The following USP13 variants were observed in gnomAD, a reference collection of about 807,000 sequenced individuals.
The protein encoded by USP13 is ubiquitin carboxyl-terminal hydrolase 13.
USP13 carries 68 observed loss-of-function variants against 107.8 expected under a neutral mutation model. That is an observed-to-expected ratio of 0.63 (90% CI 0.52 to 0.77). The LOEUF is 0.77. USP13 is among the 30% of genes least tolerant of loss of function. USP13 has a pLI of 0.00. For missense variants in USP13, 945 were observed against 1,093.3 expected (o/e 0.86, Z 1.91); for synonymous variants, 377 against 389.5 (o/e 0.97, Z 0.38).
intron 6 of USP13, among the ~76,000 whole-genome samples, chr3:179,716,986 A>G (rs540221780): frequency 2.4e-4 from 36 of 152,240 alleles, no homozygotes; most frequent in African/African-American, 8.4e-4. Context: ...TGAAAGGATG[A>G]CTGGTTTGCT....
At chr3:179,776,815 TA>T (rs1715554628) in intron 19 of USP13, among the ~76,000 whole-genome samples, 1 of 151,576 alleles carries the variant, frequency 6.6e-6, no homozygotes, top group Admixed American at 6.6e-5. Context: ...AAAACTTAAA[TA>T]TTTTTTAGTG....
At chr3:179,723,417 A>C (rs1713396640) in intron 8 of USP13, among the ~76,000 whole-genome samples, 1 of 152,206 alleles carries the variant, frequency 6.6e-6, no homozygotes, top group South Asian at 2.1e-4. Flanking sequence ...GCATGAAGTA[A>C]GCAGGAGATA....
At chr3:179,779,440 G>A (rs538581746) in intron 19 of USP13, among the ~76,000 whole-genome samples, 2 of 152,148 alleles carry the variant, frequency 1.3e-5, no homozygotes, top group South Asian at 4.2e-4. Flanking sequence ...TGAGGTAGGA[G>A]AATCACTTGA....
intron 6 of USP13, among the ~76,000 whole-genome samples, chr3:179,717,600 A>C (rs765607150): frequency 3.3e-5 from 5 of 152,216 alleles, no homozygotes; most frequent in African/African-American, 1.2e-4. Flanking sequence ...AGAGGCTTAA[A>C]GTCTTAAGTC....
intron 3 of USP13, among the ~76,000 whole-genome samples, chr3:179,690,654 C>A (rs908702790): frequency 1.3e-5 from 2 of 152,190 alleles, no homozygotes; most frequent in East Asian, 3.9e-4. Flanking sequence ...CTCACTACAA[C>A]CTGCGCCTCC....
At chr3:179,719,853 G>C in intron 6 of USP13, 87 bp from the exon 7 acceptor site, 2 of 1,090,248 alleles carry the variant, frequency 1.8e-6, no homozygotes, top group Non-Finnish European at 2.7e-6. Context: ...CCCAAGCCTG[G>C]TGTACAGTAG....
chr3:179,743,245 C>T (rs1358949938), intron 12 of USP13, among the ~76,000 whole-genome samples: 1 of 151,940 alleles, frequency 6.6e-6, no homozygotes, highest in Non-Finnish European at 1.5e-5. Flanking sequence ...CACACTGAGG[C>T]CTGTTGGTGG....
In USP13 at chr3:179,720,054, C is replaced by G. The variant is rs1022091007; in HGVS notation, c.900+20C>G. The G allele has an allele frequency of 6.2e-7, 1 of 1,600,930 alleles. No homozygotes were observed. Among genetic ancestry groups the G allele is most frequent in the Non-Finnish European group, 8.6e-7 (1 of 1,169,508 alleles). Reference sequence around the variant, plus strand: ...CATGGGGTGAGGTCTCCTTTTGTTTCTGTTTCCATCTTGCATGGGGTAGGG... The same window carrying G: ...CATGGGGTGAGGTCTCCTTTTGTTTGTGTTTCCATCTTGCATGGGGTAGGG... On this transcript the variant is annotated intron_variant, in intron 7 of 20. Coordinates refer to ENST00000263966, the MANE Select transcript of USP13 (RefSeq NM_003940.3).
Position 179,703,253 on chromosome 3 carries a change from G to A in USP13, c.477+2124G>A, listed in dbSNP as rs189666187. On this transcript the variant is annotated intron_variant, in intron 4 of 20. Coordinates refer to ENST00000263966, the MANE Select transcript of USP13 (RefSeq NM_003940.3). Reference sequence around the variant, plus strand: ...GATAGGATTTATCTACATAGAAGATGCTAGTTACTATATTTTCTTTTCATG... The same window carrying A: ...GATAGGATTTATCTACATAGAAGATACTAGTTACTATATTTTCTTTTCATG... Among the ~76,000 whole-genome samples, 238 of 152,350 alleles carry A rather than the reference G, an allele frequency of 1.6e-3. 1 individual carries two copies. The highest frequency in any genetic ancestry group is 5.5e-3 in the African/African-American group (228 of 41,580).
intron 19 of USP13, among the ~76,000 whole-genome samples, chr3:179,781,161 T>A (rs990986557): frequency 6.6e-6 from 1 of 152,208 alleles, no homozygotes; most frequent in Non-Finnish European, 1.5e-5. Context: ...ACATGAAGCC[T>A]GAAGTTTGGT....
At chr3:179,661,810 G>C (rs947057096) in intron 1 of USP13, among the ~76,000 whole-genome samples, 14 of 152,160 alleles carry the variant, frequency 9.2e-5, no homozygotes, top group Non-Finnish European at 1.6e-4. Context: ...GCAAGATTCT[G>C]ATACTGATTT....
At chr3:179,689,678 A>G (rs1223467550) in intron 2 of USP13, among the ~76,000 whole-genome samples, 1 of 151,938 alleles carries the variant, frequency 6.6e-6, no homozygotes, top group African/African-American at 2.4e-5. Flanking sequence ...GCCAAAAAAA[A>G]AGAAAATACA....
chr3:179,730,851 G>C, intron 10 of USP13, 142 bp downstream of exon 10: 1 of 673,936 alleles, frequency 1.5e-6, no homozygotes, highest in Admixed American at 2.8e-5. Context: ...TAGGGTGCCT[G>C]TCTGTATGCT....
chr3:179,658,095 C>T (rs1214403444), intron 1 of USP13, among the ~76,000 whole-genome samples: 1 of 152,154 alleles, frequency 6.6e-6, no homozygotes, highest in Admixed American at 6.5e-5. Flanking sequence ...GCTGGGATTA[C>T]AGGTGCCCAC....
At chr3:179,691,287 T>C (rs578227982) in intron 3 of USP13, among the ~76,000 whole-genome samples, 3 of 152,350 alleles carry the variant, frequency 2.0e-5, no homozygotes, top group South Asian at 2.1e-4. Context: ...TGTTACAAGA[T>C]ATGATCCAGG....
chr3:179,740,422 GA>G (rs1289740427), intron 11 of USP13, 50 bp downstream of exon 11: 1 of 1,611,752 alleles, frequency 6.2e-7, no homozygotes, highest in Non-Finnish European at 8.5e-7. Context: ...AGAGGGTGCC[GA>G]GCCACTCAGT....
At chr3:179,770,386 T>C (rs1715307909) in intron 19 of USP13, among the ~76,000 whole-genome samples, 1 of 152,218 alleles carries the variant, frequency 6.6e-6, no homozygotes, top group Non-Finnish European at 1.5e-5. Flanking sequence ...CTGTTACTTA[T>C]GAATACAAAT....
At position 179,681,519 on chromosome 3, in the gene USP13, G is replaced by T. The variant is rs146171019; in HGVS notation, c.169-359G>T. ...AACTATCACAAAGAGATAAATGCAGGGGTTTTGGGTGCCATCCACCGAGCG... is the reference window on the plus strand; with the variant it reads ...AACTATCACAAAGAGATAAATGCAGTGGTTTTGGGTGCCATCCACCGAGCG... On this transcript the variant is annotated intron_variant, in intron 1 of 20. Coordinates refer to ENST00000263966, the MANE Select transcript of USP13 (RefSeq NM_003940.3). Among the ~76,000 whole-genome samples the T allele has an allele frequency of 1.2e-3, 176 of 152,258 alleles. 3 individuals carry two copies. The South Asian group carries it at 0.015, about 13-fold the overall frequency.
chr3:179,679,914 C>T (rs1711589076), intron 1 of USP13, among the ~76,000 whole-genome samples: 1 of 150,578 alleles, frequency 6.6e-6, no homozygotes, highest in East Asian at 2.0e-4. Flanking sequence ...GTGGCTCACA[C>T]CTGTAATCCC....
Sources: gnomAD v4.1 joint callset for allele counts (sites outside exome capture counted in the v4.1 genomes callset) on GRCh38, gnomAD v4.1.1 for gene constraint, MANE v1.5 for transcripts, NCBI Gene and HGNC (gene_info 2026-07-23, HGNC 2026-07-21) for gene names.